The following ATP10A variants were observed in gnomAD, a reference collection of about 807,000 sequenced individuals.
The protein encoded by ATP10A is phospholipid-transporting ATPase VA.
A neutral mutation model predicts 147.8 loss-of-function variants in ATP10A; 111 were observed. That is an observed-to-expected ratio of 0.75 (90% CI 0.64 to 0.88). ATP10A has a LOEUF of 0.88. ATP10A is among the 40% of genes least tolerant of loss of function. The probability of loss-of-function intolerance (pLI) is 0.00; values close to 1 mark genes in which losing one functional copy is unlikely to be tolerated. For missense variants in ATP10A, 1,927 were observed against 1,959.0 expected (o/e 0.98, Z 0.31); for synonymous variants, 875 against 841.6 (o/e 1.04, Z -0.69).
At chr15:25,732,298 C>T (rs932228794) in intron 3 of ATP10A, among the ~76,000 whole-genome samples, 2 of 151,956 alleles carry the variant, frequency 1.3e-5, no homozygotes, top group South Asian at 4.1e-4. Context: ...TACAATGGCA[C>T]AATCACGGTT....
intron 2 of ATP10A, among the ~76,000 whole-genome samples, chr15:25,771,940 C>T (rs1358669437): frequency 1.3e-5 from 2 of 151,796 alleles, no homozygotes; most frequent in African/African-American, 2.4e-5. Flanking sequence ...TTAGTAGAGA[C>T]GGGGTTTCAC....
chr15:25,694,752 G>A, intron 14 of ATP10A, 67 bp downstream of exon 14: 1 of 1,380,604 alleles, frequency 7.2e-7, no homozygotes, highest in South Asian at 1.4e-5. Context: ...TCGTGGTGTA[G>A]CATGGAAGGG....
intron 2 of ATP10A, among the ~76,000 whole-genome samples, chr15:25,763,246 C>T (rs781266386): frequency 3.3e-5 from 5 of 152,086 alleles, no homozygotes; most frequent in Non-Finnish European, 5.9e-5. Flanking sequence ...AATTGCTTGC[C>T]CATGGAATTC....
intron 20 of ATP10A, 24 bp from the exon 21 acceptor site, chr15:25,679,998 A>C (rs1899306117): frequency 1.3e-6 from 2 of 1,587,406 alleles, no homozygotes; most frequent in Non-Finnish European, 1.7e-6. Context: ...ATTAAAACAA[A>C]AAGTTAGATA....
At chr15:25,694,020 G>A (rs754462286) in intron 14 of ATP10A, among the ~76,000 whole-genome samples, 4 of 151,918 alleles carry the variant, frequency 2.6e-5, no homozygotes, top group Non-Finnish European at 5.9e-5. Flanking sequence ...TTACAGGGAG[G>A]CCCAATTGTT....
At chr15:25,696,356 G>A (rs1348397155) in intron 13 of ATP10A, among the ~76,000 whole-genome samples, 3 of 152,364 alleles carry the variant, frequency 2.0e-5, no homozygotes, top group South Asian at 2.1e-4. Context: ...GAGATGGATA[G>A]GAGAGGGAGA....
Position 25,736,075 on chromosome 15 carries a change from T to G in ATP10A, c.721A>C (p.Ser241Arg), listed in dbSNP as rs1887255408. 2 of 1,613,662 alleles carry G rather than the reference T, an allele frequency of 1.2e-6. No individual in the cohort carries two copies. Among genetic ancestry groups the G allele is most frequent in the African/African-American group, 1.3e-5 (1 of 74,936 alleles). ...IECEKPNNDL[S>R]RFRGCIIHDN... ...ACTCACATGCAGCCGCGAAACCTACTCAGGTCGTTGTTTGGCTTCTCGCAT... is the reference window on the plus strand; with the variant it reads ...ACTCACATGCAGCCGCGAAACCTACGCAGGTCGTTGTTTGGCTTCTCGCAT... The change falls in exon 3 of 21, where the codon AGT (serine) becomes CGT (arginine). Residue 241 changes from serine to arginine, a missense_variant. Coordinates refer to ENST00000555815, the MANE Select transcript of ATP10A (RefSeq NM_024490.4).
At chr15:25,704,703 GAAA>G (rs1900871669) in intron 12 of ATP10A, among the ~76,000 whole-genome samples, 3 of 152,226 alleles carry the variant, frequency 2.0e-5, no homozygotes, top group Admixed American at 2.0e-4. Context: ...ACCTCGGCAT[GAAA>G]CATGGCAGAG....
chr15:25,733,521 A>G (rs1293903628), intron 3 of ATP10A, among the ~76,000 whole-genome samples: 1 of 152,150 alleles, frequency 6.6e-6, no homozygotes, highest in South Asian at 2.1e-4. Context: ...CGTGCCCCAC[A>G]GTCACGGGGG....
At chr15:25,684,286 A>G (rs1000644946) in intron 16 of ATP10A, among the ~76,000 whole-genome samples, 36 of 152,308 alleles carry the variant, frequency 2.4e-4, no homozygotes, top group African/African-American at 8.7e-4. Context: ...TATACGGTGG[A>G]CATGACAGTT....
intron 2 of ATP10A, among the ~76,000 whole-genome samples, chr15:25,761,695 C>T (rs983428298): frequency 6.6e-6 from 1 of 152,210 alleles, no homozygotes; most frequent in African/African-American, 2.4e-5. Flanking sequence ...GGGCCTGTAG[C>T]CCCTTTGTTT....
intron 2 of ATP10A, among the ~76,000 whole-genome samples, chr15:25,769,924 G>C (rs768378239): frequency 8.5e-5 from 13 of 152,276 alleles, no homozygotes; most frequent in Admixed American, 8.5e-4. Context: ...CAACAGGACT[G>C]GTGTCCTTAA....
intron 2 of ATP10A, among the ~76,000 whole-genome samples, chr15:25,770,883 T>G (rs995660025): frequency 6.6e-6 from 1 of 152,082 alleles, no homozygotes; most frequent in African/African-American, 2.4e-5. Context: ...ACCCAGAGAT[T>G]TGTTCTTTGT....
chr15:25,768,628 T>C (rs985982323), intron 2 of ATP10A, among the ~76,000 whole-genome samples: 9 of 150,336 alleles, frequency 6.0e-5, no homozygotes, highest in African/African-American at 2.0e-4. Flanking sequence ...ACTGCAACCT[T>C]AACTTCCCAG....
At chr15:25,747,089 C>G (rs894405135) in intron 2 of ATP10A, among the ~76,000 whole-genome samples, 7 of 152,122 alleles carry the variant, frequency 4.6e-5, no homozygotes, top group Admixed American at 3.3e-4. Context: ...GAGTTCGAGG[C>G]CAGCCTGGCC....
intron 1 of ATP10A, among the ~76,000 whole-genome samples, chr15:25,785,758 G>A (rs190650256): frequency 6.6e-6 from 1 of 152,170 alleles, no homozygotes; most frequent in Admixed American, 6.5e-5. Flanking sequence ...CAGGAAGAAC[G>A]GCTGGCTGGG....
At chr15:25,798,796 T>G (rs1477577979) in intron 1 of ATP10A, among the ~76,000 whole-genome samples, 2 of 152,138 alleles carry the variant, frequency 1.3e-5, no homozygotes, top group Non-Finnish European at 2.9e-5. Context: ...GTGATTCTGT[T>G]GGAGCTGCCT....
At chr15:25,796,749 A>C (rs1890689157) in intron 1 of ATP10A, among the ~76,000 whole-genome samples, 1 of 152,260 alleles carries the variant, frequency 6.6e-6, no homozygotes, top group Non-Finnish European at 1.5e-5. Context: ...GGATGGGTCA[A>C]CTAGGCCACA....
intron 2 of ATP10A, among the ~76,000 whole-genome samples, chr15:25,778,852 G>T (rs1889754583): frequency 6.6e-6 from 1 of 152,104 alleles, no homozygotes; most frequent in Non-Finnish European, 1.5e-5. Context: ...AGAAGTTGAA[G>T]ATCAGAAGAT....
Sources: allele counts gnomAD v4.1 joint callset (sites outside exome capture counted in the v4.1 genomes callset), GRCh38; gene constraint gnomAD v4.1.1; transcripts MANE v1.5; gene names NCBI Gene and HGNC (gene_info 2026-07-23, HGNC 2026-07-21).